LYRM4: variants seen among roughly 807,000 people sequenced by gnomAD.
The protein encoded by LYRM4 is LYR motif-containing protein 4.
In LYRM4, 9 loss-of-function variants were observed where a neutral mutation model predicts 11.7. That is an observed-to-expected ratio of 0.77 (90% CI 0.46 to 1.34). LYRM4 has a LOEUF of 1.34. LYRM4 is among the 40% of genes most tolerant of loss of function. LYRM4 has a pLI of 0.00. For missense variants in LYRM4, 133 were observed against 112.5 expected, an observed-to-expected ratio of 1.18 and a Z score of -0.82; for synonymous variants, 42 against 40.4, an observed-to-expected ratio of 1.04 and a Z score of -0.15.
intron 1 of LYRM4, among the ~76,000 whole-genome samples, chr6:5,245,184 AC>A (rs1156966777): frequency 4.8e-5 from 6 of 125,844 alleles, no homozygotes; most frequent in African/African-American, 1.7e-4. Flanking sequence ...AATTTCTGGA[AC>A]AAAAAAGATC....
chr6:5,043,679 G>A, the LYRM4 span, among the ~76,000 whole-genome samples: 1 of 152,032 alleles, frequency 6.6e-6, no homozygotes, highest in East Asian at 1.9e-4. Flanking sequence ...CCTCCTCTGT[G>A]CCACCCCCCA....
At chr6:5,211,611 T>C (rs1761990222) in intron 2 of LYRM4, among the ~76,000 whole-genome samples, 1 of 152,178 alleles carries the variant, frequency 6.6e-6, no homozygotes, top group South Asian at 2.1e-4. Flanking sequence ...TTGGGTGTAA[T>C]ACATCCACTA....
At chr6:5,128,155 A>G (rs10223498) in intron 2 of LYRM4, among the ~76,000 whole-genome samples, 2,819 of 152,322 alleles carry the variant, frequency 0.019, 94 homozygotes, top group African/African-American at 0.064. Context: ...TGATTTCTCT[A>G]TAAAGCAAAC....
chr6:5,216,562 A>C, intron 2 of LYRM4, 56 bp downstream of exon 2: 1 of 1,605,406 alleles, frequency 6.2e-7, no homozygotes, highest in African/African-American at 1.3e-5. Context: ...ATCAAGGGGA[A>C]TATGTCGAAG....
At chr6:5,034,071 G>C in the LYRM4 span, 2 of 152,330 alleles carry the variant, frequency 1.3e-5, no homozygotes, top group South Asian at 2.1e-4. Flanking sequence ...TGTTTAAAAT[G>C]TCCCCAGGCA....
intron 2 of LYRM4, among the ~76,000 whole-genome samples, chr6:5,216,352 T>G (rs1396237925): frequency 1.3e-5 from 2 of 152,224 alleles, no homozygotes; most frequent in African/African-American, 4.8e-5. Context: ...TCAAAAAAAT[T>G]AATGCAGAAG....
the LYRM4 span, among the ~76,000 whole-genome samples, chr6:5,044,597 A>G: frequency 7.9e-5 from 12 of 152,150 alleles, no homozygotes; most frequent in Non-Finnish European, 2.9e-5. Flanking sequence ...AAAGGCGGCC[A>G]TGGTTTCTTT....
At chr6:5,245,890 G>A (rs902685293) in intron 1 of LYRM4, among the ~76,000 whole-genome samples, 1 of 152,204 alleles carries the variant, frequency 6.6e-6, no homozygotes, top group East Asian at 1.9e-4. Context: ...GAAAATGCCA[G>A]AGTGACAATA....
chr6:5,101,095 T>TA (rs1762485897), downstream of LYRM4, among the ~76,000 whole-genome samples: 1 of 152,140 alleles, frequency 6.6e-6, no homozygotes, highest in South Asian at 2.1e-4. Flanking sequence ...ACATCGCTGT[T>TA]CCCTTGCATA....
chr6:5,138,570 T>TG (rs1757237068), intron 2 of LYRM4: 1 of 338,048 alleles, frequency 3.0e-6, no homozygotes, highest in Admixed American at 7.4e-5. Context: ...GTAAGAATAA[T>TG]GACTGTTTTT....
intron 1 of LYRM4, among the ~76,000 whole-genome samples, chr6:5,249,486 G>C (rs1284992221): frequency 6.6e-6 from 1 of 152,148 alleles, no homozygotes; most frequent in South Asian, 2.1e-4. Context: ...TATCACGAAA[G>C]ATCATTTCTG....
Position 5,176,904 on chromosome 6 carries a change from A to G in LYRM4, c.207+39714T>C, listed in dbSNP as rs140388117. On this transcript the variant is annotated intron_variant, in intron 2 of 2. Coordinates refer to ENST00000330636, the MANE Select transcript of LYRM4 (RefSeq NM_020408.6). ...TACATTTCCCCAAGCTTCCCATCAC[A>G]TAATTACAAATGAGTAGTGTTGTCC... Among the ~76,000 whole-genome samples, 234 of 152,328 alleles carry G rather than the reference A, an allele frequency of 1.5e-3. 1 individual carries two copies. The highest frequency in any genetic ancestry group is 6.8e-3 in the Middle Eastern group (2 of 294).
chr6:5,200,617 GAC>G (rs1318555792), intron 2 of LYRM4, among the ~76,000 whole-genome samples: 1 of 152,206 alleles, frequency 6.6e-6, no homozygotes, highest in Non-Finnish European at 1.5e-5. Context: ...AAAAACCAAA[GAC>G]AGCTTGCCCG....
chr6:5,213,760 T>C (rs1762106314), intron 2 of LYRM4, among the ~76,000 whole-genome samples: 1 of 152,234 alleles, frequency 6.6e-6, no homozygotes, highest in South Asian at 2.1e-4. Context: ...GGGAACATAC[T>C]TCATGCATTT....
At chr6:5,033,654 T>A in the LYRM4 span, 1 of 152,286 alleles carries the variant, frequency 6.6e-6, no homozygotes, top group African/African-American at 2.4e-5. Context: ...GAAAAGGTGC[T>A]GTTCCTACAA....
At chr6:5,150,383 A>C (rs1758019416) in intron 2 of LYRM4, among the ~76,000 whole-genome samples, 1 of 152,150 alleles carries the variant, frequency 6.6e-6, no homozygotes, top group South Asian at 2.1e-4. Flanking sequence ...TGGGGACCTT[A>C]GGCCATCAGA....
chr6:5,035,477 C>G, the LYRM4 span, among the ~76,000 whole-genome samples: 2,246 of 151,054 alleles, frequency 0.015, 29 homozygotes, highest in Middle Eastern at 0.045. Flanking sequence ...CAGCGGGATC[C>G]GTCACACTCT....
the LYRM4 span, among the ~76,000 whole-genome samples, chr6:5,080,320 G>C: frequency 6.6e-6 from 1 of 152,220 alleles, no homozygotes; most frequent in South Asian, 2.1e-4. Context: ...GACCAGTGCT[G>C]TTCATGGTCA....
the LYRM4 span, among the ~76,000 whole-genome samples, chr6:5,049,872 G>A: frequency 3.9e-5 from 6 of 152,188 alleles, no homozygotes; most frequent in Admixed American, 2.6e-4. Flanking sequence ...GTTTCATCAT[G>A]TTGGCCAGGT....
Sources: allele counts gnomAD v4.1 joint callset (sites outside exome capture counted in the v4.1 genomes callset), GRCh38; gene constraint gnomAD v4.1.1; transcripts MANE v1.5; gene names NCBI Gene and HGNC (gene_info 2026-07-23, HGNC 2026-07-21).